PNN: variants seen among roughly 807,000 people sequenced by gnomAD.
PNN encodes the protein pinin.
In PNN, 38 loss-of-function variants were observed where a neutral mutation model predicts 76.6. That is an observed-to-expected ratio of 0.50 (90% CI 0.38 to 0.65). PNN has a LOEUF of 0.65. Among genes scored for constraint, PNN ranks in the 30% least tolerant of loss-of-function variants. The pLI, the probability that PNN is intolerant of heterozygous loss-of-function variation, is 0.00. For missense variants in PNN, 873 were observed against 874.1 expected (o/e 1.00, Z 0.02); for synonymous variants, 366 against 283.7 (o/e 1.29, Z -2.91).
rs763480228 is a variant in PNN at position 39,180,890 on chromosome 14, A to G, written c.1181A>G (p.Glu394Gly). 6.2e-7 allele frequency: 1 copy of G among 1,614,190 alleles called. No homozygotes were observed. Among genetic ancestry groups the G allele is most frequent in the Non-Finnish European group, 8.5e-7 (1 of 1,180,002 alleles). The part of the protein sequence containing the change: ...EEVMDVLEMV[E>G]NVKHVIADQE... ...GTTATGGATGTGCTAGAGATGGTTG[A>G]GAATGTCAAACATGTAATTGCTGAC... Residue 394 changes from glutamate to glycine, a missense_variant, in exon 9 of 9, where the codon GAG (glutamate) becomes GGG (glycine). By Grantham distance (98) the Glu-to-Gly change is moderately conservative. Coordinates refer to ENST00000216832, the MANE Select transcript of PNN (RefSeq NM_002687.4).
Position 39,176,131 on chromosome 14 carries a change from G to C in PNN, c.167G>C (p.Arg56Pro). 6.2e-7 allele frequency: 1 copy of C among 1,601,474 alleles called. No homozygotes were observed. Among genetic ancestry groups the C allele is most frequent in the Non-Finnish European group, 8.6e-7 (1 of 1,168,590 alleles). Residue 56 changes from arginine (R) to proline (P), a missense_variant, in exon 2 of 9, where the codon CGT (arginine) becomes CCT (proline). By Grantham distance (103) the Arg-to-Pro change is moderately radical. Coordinates refer to ENST00000216832, the MANE Select transcript of PNN (RefSeq NM_002687.4). ...ALSGPGGGRG[R>P]GSLLLRRGFS... ...TCTGGTCCTGGTGGAGGTAGAGGAC[G>C]TGGTAGTTTATTACTGAGGTAAGAT...
intron 6 of PNN, 36 bp from the exon 7 acceptor site, chr14:39,179,055 A>G (rs779186933): frequency 6.3e-7 from 1 of 1,582,760 alleles, no homozygotes; most frequent in Non-Finnish European, 8.6e-7. Context: ...AACTATTTCA[A>G]CACGTAAGTA....
chr14:39,181,827 A>G lies in PNN; in HGVS notation c.2118A>G (p.Arg706=), dbSNP rs1248171324. ...RSGKRSSRSE[R]DRKSDRKDKR... ...GCAAAAGATCTTCAAGAAGTGAAAGAGACCGAAAATCAGACAGGAAAGACA... is the reference window on the plus strand; with the variant it reads ...GCAAAAGATCTTCAAGAAGTGAAAGGGACCGAAAATCAGACAGGAAAGACA... The change falls in exon 9 of 9, where the codon AGA becomes AGG. Residue 706 remains arginine (R), a synonymous_variant. Transcript: ENST00000216832. The G allele has an allele frequency of 6.2e-7, 1 of 1,602,976 alleles. No individual in the cohort carries two copies. Among genetic ancestry groups the G allele is most frequent in the Non-Finnish European group, 8.5e-7 (1 of 1,177,218 alleles).
chr14:39,177,042 G>A (rs2053232174), intron 3 of PNN, among the ~76,000 whole-genome samples: 1 of 152,204 alleles, frequency 6.6e-6, no homozygotes, highest in Admixed American at 6.5e-5. Context: ...CTAGAAGAGA[G>A]GGCATTTGCC....
chr14:39,176,089 C>G lies in PNN; in HGVS notation c.125C>G (p.Ala42Gly), dbSNP rs1297114225. 7 of 1,603,672 alleles carry G rather than the reference C, an allele frequency of 4.4e-6. No homozygotes were observed. Among genetic ancestry groups the G allele is most frequent in the Non-Finnish European group, 6.0e-6 (7 of 1,170,664 alleles). The change falls in exon 2 of 9, where the codon GCC (alanine) becomes GGC (glycine). Residue 42 changes from alanine to glycine, a missense_variant. Around this residue, in one of 3 missense-constraint regions of PNN, gnomAD observed 156 missense variants for 161.7 expected, o/e 0.96. Coordinates refer to ENST00000216832, the MANE Select transcript of PNN (RefSeq NM_002687.4). Reference sequence around the variant, plus strand: ...TAAATCTTTTACAGGCCCATCCAAGCCAGATTGCTGGCCCTTTCTGGTCCT... The same window carrying G: ...TAAATCTTTTACAGGCCCATCCAAGGCAGATTGCTGGCCCTTTCTGGTCCT... ...RDPNDVRPIQ[A>G]RLLALSGPGG...
chr14:39,176,724 C>CG lies in PNN; in HGVS notation c.254+129_254+130insG, dbSNP rs1044473765. 2.3e-5 allele frequency: 15 copies of CG among 657,972 alleles called. No individual in the cohort carries two copies. The East Asian group carries it at 4.0e-4, about 17-fold the overall frequency. The allele number at this position is 657,972 out of a possible 1,614,324, so 40.8% of individuals were successfully genotyped here. A position where few individuals can be genotyped will look rare whatever the true frequency, so the allele number is the denominator to read the frequency against. On this transcript the variant is annotated intron_variant, in intron 3 of 8. Coordinates refer to ENST00000216832, the MANE Select transcript of PNN (RefSeq NM_002687.4). ...AGTGGTATGCCACTCCCTGCCCCCC[C>CG]CAAGTTCTGTTGGTATTTGACTGAA...
intron 6 of PNN, among the ~76,000 whole-genome samples, chr14:39,178,526 C>T (rs1284052987): frequency 6.6e-6 from 1 of 151,582 alleles, no homozygotes; most frequent in Non-Finnish European, 1.5e-5. Flanking sequence ...CGCAAAACTC[C>T]ATCTCAAAAA....
In PNN at chr14:39,183,010, C is replaced by T. The variant is rs2053280467; in HGVS notation, c.*1147C>T. 6.6e-6 allele frequency: 1 copy of T among 152,622 alleles called. No individual in the cohort carries two copies. The highest frequency in any genetic ancestry group is 1.5e-5 in the Non-Finnish European group (1 of 68,032). 9.5% of individuals were successfully genotyped at this position (152,622 alleles called of 1,614,324 possible). On this transcript the variant is annotated 3_prime_UTR_variant, in exon 9 of 9. Transcript: ENST00000216832. ...ATACAAGAGAGCACTTAAATTGCAT[C>T]CTTCTTTGAGTTTAACACTGTAGCT...
chr14:39,181,182 A>G lies in PNN; in HGVS notation c.1473A>G (p.Gln491=), dbSNP rs1065619. The G allele has an allele frequency of 6.2e-7, 1 of 1,609,106 alleles. No homozygotes were observed. The highest frequency in any genetic ancestry group is 8.5e-7 in the Non-Finnish European group (1 of 1,175,574). The change falls in exon 9 of 9, where the codon CAA becomes CAG. Residue 491 remains glutamine (Q), a synonymous_variant. Transcript: ENST00000216832. ...AGCTTCAGCTTCAATCCCAGTCCCAACCAGTACTCCAGTCCCAGCCTCCCT... is the reference window on the plus strand; with the variant it reads ...AGCTTCAGCTTCAATCCCAGTCCCAGCCAGTACTCCAGTCCCAGCCTCCCT... ...QPQLQLQSQS[Q]PVLQSQPPSQ...
intron 1 of PNN, chr14:39,175,651 C>T (rs1008448113): frequency 1.6e-5 from 8 of 514,676 alleles, no homozygotes; most frequent in African/African-American, 4.0e-5. Flanking sequence ...TGAGAAGACC[C>T]GGACTGCTGA....
chr14:39,178,698 CCGG>C (rs2053247740), intron 6 of PNN, among the ~76,000 whole-genome samples: 1 of 149,130 alleles, frequency 6.7e-6, no homozygotes, highest in African/African-American at 2.5e-5. Context: ...GCCACTGTGC[CCGG>C]CCTGCAGATA....
intron 6 of PNN, among the ~76,000 whole-genome samples, chr14:39,178,724 G>GAAAA (rs61670617): frequency 1.4e-4 from 16 of 114,178 alleles, no homozygotes; most frequent in African/African-American, 3.7e-4. Context: ...TTTACATAGT[G>GAAAA]AAAAAAAAAA....
At chr14:39,176,698 G>C (rs2053228291) in intron 3 of PNN, 103 bp downstream of exon 3, 8 of 748,590 alleles carry the variant, frequency 1.1e-5, no homozygotes, top group Admixed American at 3.1e-5. Flanking sequence ...TATTAAAATT[G>C]AGTGGTATGC....
intron 3 of PNN, 74 bp from the exon 4 acceptor site, chr14:39,177,338 G>T (rs746868983): frequency 7.4e-5 from 89 of 1,205,802 alleles, no homozygotes; most frequent in Non-Finnish European, 1.0e-4. Flanking sequence ...GTGAACCGTG[G>T]TGGCACCACT....
Position 39,175,403 on chromosome 14 carries a change from A to G in PNN, c.113+11A>G. On this transcript the variant is annotated intron_variant, in intron 1 of 8. Transcript: ENST00000216832. ...TCCGAATGACGTGAGGTAAGGGCCT[A>G]ACGGGAACTCGGAACTCGGAGCTCG... 2 of 1,543,690 alleles carry G rather than the reference A, an allele frequency of 1.3e-6. No homozygotes were observed. The highest frequency in any genetic ancestry group is 1.8e-6 in the Non-Finnish European group (2 of 1,117,256).
intron 2 of PNN, 180 bp downstream of exon 2, chr14:39,176,329 A>G: frequency 1.6e-6 from 1 of 632,522 alleles, no homozygotes. Context: ...TGGAGGTTGA[A>G]GAATATATTA....
In PNN at chr14:39,176,703, G is replaced by C. The variant is rs2053228317; in HGVS notation, c.254+108G>C. 5 of 713,102 alleles carry C rather than the reference G, an allele frequency of 7.0e-6. No homozygotes were observed. In the South Asian group the frequency reaches 8.6e-5, roughly 12 times the overall value. 44.2% of individuals were successfully genotyped at this position (713,102 alleles called of 1,614,324 possible). A position where few individuals can be genotyped will look rare whatever the true frequency, so the allele number is the denominator to read the frequency against. ...GTTTCAGCAATATTAAAATTGAGTG[G>C]TATGCCACTCCCTGCCCCCCCCAAG... On this transcript the variant is annotated intron_variant, in intron 3 of 8. Coordinates refer to ENST00000216832, the MANE Select transcript of PNN (RefSeq NM_002687.4).
At chr14:39,175,638 C>T (rs377120159) in intron 1 of PNN, 5 of 534,184 alleles carry the variant, frequency 9.4e-6, no homozygotes, top group African/African-American at 7.8e-5. Context: ...CTTTCTTGGC[C>T]TGTGAGAAGA....
Position 39,180,282 on chromosome 14 carries a change from A to G in PNN, c.794-221A>G, listed in dbSNP as rs535119837. Among the ~76,000 whole-genome samples, 16 of 152,336 alleles carry G rather than the reference A, an allele frequency of 1.1e-4. No homozygotes were observed. The South Asian group carries it at 3.1e-3, about 30-fold the overall frequency. ...TTTCTTCATCAGTTAGAAAATGTGTAGTTCTGTCTGCCACAATTTCTAGTA... is the reference window on the plus strand; with the variant it reads ...TTTCTTCATCAGTTAGAAAATGTGTGGTTCTGTCTGCCACAATTTCTAGTA... On this transcript the variant is annotated intron_variant, in intron 8 of 8. Coordinates refer to ENST00000216832, the MANE Select transcript of PNN (RefSeq NM_002687.4).
Sources: gnomAD v4.1 joint callset for allele counts (sites outside exome capture counted in the v4.1 genomes callset) on GRCh38, gnomAD v4.1.1 for gene constraint, gnomAD v4.1.1 regional missense constraint, MANE v1.5 for transcripts, NCBI Gene and HGNC (gene_info 2026-07-23, HGNC 2026-07-21) for gene names.